The following SUGT1 variants were observed in gnomAD, a reference collection of about 807,000 sequenced individuals.
SUGT1 encodes the protein protein SGT1 homolog.
A neutral mutation model predicts 56.1 loss-of-function variants in SUGT1; 15 were observed. That is an observed-to-expected ratio of 0.27 (90% CI 0.18 to 0.41). The LOEUF (loss-of-function observed/expected upper bound fraction) is 0.41, where lower values mean the gene tolerates loss of function less well. Ranked by LOEUF, SUGT1 falls within the 10% of genes least tolerant of loss-of-function variation. The pLI is 1.00. For synonymous variants in SUGT1, 123 were observed against 128.6 expected (o/e 0.96, Z 0.30); for missense variants, 347 against 382.2 (o/e 0.91, Z 0.77).
In SUGT1 at chr13:52,693,605, A is replaced by G. The variant is rs1157459314; in HGVS notation, c.*5770A>G. 1.3e-5 allele frequency: 2 copies of G among 152,092 alleles called. No homozygotes were observed. Among genetic ancestry groups the G allele is most frequent in the Non-Finnish European group, 2.9e-5 (2 of 68,020 alleles). 9.4% of individuals were successfully genotyped at this position (152,092 alleles called of 1,614,324 possible). On this transcript the variant is annotated 3_prime_UTR_variant, in exon 13 of 13. Transcript: ENST00000310528. ...TCTCTGTGCCTCAGTTTTTGTGTCT[A>G]TGTAAAGGAGATAATAGGATCCCCC...
At position 52,652,851 on chromosome 13, in the gene SUGT1, C is replaced by T. The variant is rs980899025; in HGVS notation, c.-70C>T. 3.6e-5 allele frequency: 56 copies of T among 1,576,234 alleles called. No individual in the cohort carries two copies. The highest frequency in any genetic ancestry group is 9.5e-5 in the Admixed American group (5 of 52,802). On this transcript the variant is annotated 5_prime_UTR_variant, in exon 1 of 13. Transcript: ENST00000310528. ...GTTGGTGTTTCTCCAGAAGTTTCCC[C>T]CTTGGGCGGTGGTGGAGGTGGTAAC... is the stretch of plus-strand genomic sequence containing the variant.
chr13:52,684,440 A>G (rs571330042), intron 12 of SUGT1, among the ~76,000 whole-genome samples: 1 of 144,816 alleles, frequency 6.9e-6, no homozygotes, highest in East Asian at 2.0e-4. Flanking sequence ...TTTTTTATTC[A>G]TTTCTATTTT....
intron 2 of SUGT1, among the ~76,000 whole-genome samples, chr13:52,654,676 G>C (rs1313219971): frequency 6.6e-6 from 1 of 152,212 alleles, no homozygotes; most frequent in Non-Finnish European, 1.5e-5. Context: ...CTCATAAACA[G>C]AATCATACAG....
chr13:52,680,898 G>C (rs553484374), intron 12 of SUGT1, among the ~76,000 whole-genome samples: 64 of 152,274 alleles, frequency 4.2e-4, no homozygotes, highest in Admixed American at 2.1e-3. Flanking sequence ...CTTGAGTACA[G>C]TGGCGTGATC....
At chr13:52,659,756 A>C (rs998468660) in intron 5 of SUGT1, among the ~76,000 whole-genome samples, 8 of 142,748 alleles carry the variant, frequency 5.6e-5, no homozygotes, top group Admixed American at 7.1e-5. Context: ...AGTGGTGTGG[A>C]TATCTAGACA....
rs1338692393 is a variant in SUGT1, at chr13:52,680,167, A to T, written c.900+12A>T. On this transcript the variant is annotated intron_variant, in intron 12 of 12. Coordinates refer to ENST00000310528, the MANE Select transcript of SUGT1 (RefSeq NM_006704.5). ...TGAACAAATCCTTTGTAAGAATATA[A>T]ACTTAAAGAAATATATATGGGAGCA... 1 of 1,552,072 alleles carries T rather than the reference A, an allele frequency of 6.4e-7. No individual in the cohort carries two copies. The highest frequency in any genetic ancestry group is 8.6e-7 in the Non-Finnish European group (1 of 1,159,932).
At position 52,658,482 on chromosome 13, in the gene SUGT1, A is replaced by G. The variant is rs776893454; in HGVS notation, c.257+14A>G. 25 of 1,604,510 alleles carry G rather than the reference A, an allele frequency of 1.6e-5. No individual in the cohort carries two copies. In the South Asian group the frequency reaches 2.8e-4, roughly 18 times the overall value. On this transcript the variant is annotated intron_variant, in intron 4 of 12. Transcript: ENST00000310528. ...GCTGAGAAAAGGGTATGCAGTAGCT[A>G]CTCTTCTTGTTGAGCTTGGTATAGA...
chr13:52,693,945 G>T lies in SUGT1; in HGVS notation c.*6110G>T, dbSNP rs1198386657. On this transcript the variant is annotated 3_prime_UTR_variant, in exon 13 of 13. Coordinates refer to ENST00000310528, the MANE Select transcript of SUGT1 (RefSeq NM_006704.5). The stretch of plus-strand genomic sequence containing the variant: ...TGCTGTATGTACATTTTTTATACAT[G>T]TATACTTATGATAAAGTTTATAAAT... The T allele has an allele frequency of 6.6e-6, 1 of 152,050 alleles. No homozygotes were observed. The highest frequency in any genetic ancestry group is 2.1e-4 in the South Asian group (1 of 4,818). 9.4% of individuals were successfully genotyped at this position (152,050 alleles called of 1,614,324 possible).
chr13:52,675,264 G>A (rs1963098683), intron 10 of SUGT1, among the ~76,000 whole-genome samples: 1 of 152,190 alleles, frequency 6.6e-6, no homozygotes, highest in Non-Finnish European at 1.5e-5. Flanking sequence ...AAATGGTCGA[G>A]GATGTGTCTT....
chr13:52,670,482 T>C (rs1211136566), intron 10 of SUGT1, among the ~76,000 whole-genome samples: 1 of 152,196 alleles, frequency 6.6e-6, no homozygotes, highest in Non-Finnish European at 1.5e-5. Flanking sequence ...AAATACTCAT[T>C]TTAAAAATTA....
chr13:52,675,169 A>G (rs1468314994), intron 10 of SUGT1, among the ~76,000 whole-genome samples: 1 of 152,168 alleles, frequency 6.6e-6, no homozygotes, highest in Admixed American at 6.5e-5. Context: ...TCCCCTTCAC[A>G]GTCAGGTGTG....
Position 52,666,915 on chromosome 13 carries a change from C to T in SUGT1, c.623C>T (p.Thr208Ile), listed in dbSNP as rs1016034599. 1 of 1,606,952 alleles carries T rather than the reference C, an allele frequency of 6.2e-7. No individual in the cohort carries two copies. Residue 208 changes from threonine to isoleucine, a missense_variant, in exon 10 of 13, where the codon ACA becomes ATA. Transcript: ENST00000310528. The stretch of plus-strand genomic sequence containing the variant: ...CAGAGCACGTTTAAAGTACTTTCAA[C>T]AAAGGTAAGACCATTGAAAAGTTTG... ...PEQSTFKVLS[T>I]KIEIKLKKPE... is the part of the protein sequence containing the mutation.
rs756564223 is a variant in SUGT1 at position 52,664,021 on chromosome 13, A to G, written c.400-14A>G. ...CTTTCTCTTTCAACTTACCAAAATC[A>G]ATCTGCATCCCAGTGGACTCATCAG... is the stretch of plus-strand genomic sequence containing the variant. On this transcript the variant is annotated splice_polypyrimidine_tract_variant and intron_variant, in intron 7 of 12. Transcript: ENST00000310528. The G allele has an allele frequency of 2.5e-6, 4 of 1,612,770 alleles. No individual in the cohort carries two copies. Among genetic ancestry groups the G allele is most frequent in the Non-Finnish European group, 1.7e-6 (2 of 1,179,440 alleles).
chr13:52,685,735 C>T (rs1484754941), intron 12 of SUGT1, among the ~76,000 whole-genome samples: 1 of 152,126 alleles, frequency 6.6e-6, no homozygotes. Flanking sequence ...ATGAAAGAAA[C>T]TAGACTTTGT....
chr13:52,654,463 G>A (rs1962065034), intron 2 of SUGT1, among the ~76,000 whole-genome samples: 2 of 152,084 alleles, frequency 1.3e-5, no homozygotes, highest in Admixed American at 1.3e-4. Context: ...TTTTATGGAG[G>A]CATATATGAT....
chr13:52,684,785 C>G (rs886442946), intron 12 of SUGT1, among the ~76,000 whole-genome samples: 3 of 152,012 alleles, frequency 2.0e-5, no homozygotes, highest in African/African-American at 7.2e-5. Context: ...ATGTTGACCT[C>G]CCAAAGTGCT....
At chr13:52,678,662 A>G (rs1963246980) in intron 11 of SUGT1, among the ~76,000 whole-genome samples, 1 of 135,720 alleles carries the variant, frequency 7.4e-6, no homozygotes, top group Admixed American at 8.4e-5. Flanking sequence ...AATATAAAAT[A>G]TCTTCATTTT....
At chr13:52,662,868 A>C (rs903577393) in intron 6 of SUGT1, among the ~76,000 whole-genome samples, 166 bp downstream of exon 6, 8 of 152,156 alleles carry the variant, frequency 5.3e-5, no homozygotes, top group African/African-American at 1.7e-4. Context: ...ATAGCTTCTT[A>C]TGTTGAAAGG....
At chr13:52,685,897 T>C (rs1963569232) in intron 12 of SUGT1, among the ~76,000 whole-genome samples, 2 of 152,170 alleles carry the variant, frequency 1.3e-5, no homozygotes, top group Admixed American at 1.3e-4. Context: ...GTAAACCAAA[T>C]CCACAACTGA....
Sources: gnomAD v4.1 joint callset for allele counts (sites outside exome capture counted in the v4.1 genomes callset) on GRCh38, gnomAD v4.1.1 for gene constraint, MANE v1.5 for transcripts, NCBI Gene and HGNC (gene_info 2026-07-23, HGNC 2026-07-21) for gene names.